GRIK1: variants seen among roughly 807,000 people sequenced by gnomAD.
GRIK1 encodes glutamate ionotropic receptor kainate type subunit 1.
GRIK1 carries 69 observed loss-of-function variants against 105.7 expected under a neutral mutation model. The observed-to-expected ratio is 0.65, with a 90% CI of 0.54 to 0.80. GRIK1 has a LOEUF of 0.80. GRIK1 is among the 30% of genes least tolerant of loss of function. The pLI is 0.00. For missense variants in GRIK1, 1,109 were observed against 1,167.3 expected (o/e 0.95, Z 0.73); for synonymous variants, 438 against 431.3 (o/e 1.02, Z -0.19).
chr21:29,835,769 G>A (rs1361932875), intron 1 of GRIK1, among the ~76,000 whole-genome samples: 4 of 151,952 alleles, frequency 2.6e-5, no homozygotes, highest in African/African-American at 9.7e-5. Flanking sequence ...TAACCCAATG[G>A]GCAATAATGA....
At chr21:29,924,163 C>T (rs1449146706) in intron 1 of GRIK1, among the ~76,000 whole-genome samples, 7 of 151,700 alleles carry the variant, frequency 4.6e-5, no homozygotes, top group Admixed American at 1.3e-4. Flanking sequence ...CGTGGTGAAA[C>T]GCCATCTCTA....
intron 1 of GRIK1, among the ~76,000 whole-genome samples, chr21:29,794,506 G>T (rs1569101701): frequency 6.6e-6 from 1 of 152,140 alleles, no homozygotes; most frequent in East Asian, 1.9e-4. Flanking sequence ...TAATTGTCAA[G>T]CTATGAAACA....
Position 29,824,488 on chromosome 21 carries a change from A to G in GRIK1, c.118+114895T>C, listed in dbSNP as rs145788320. Among the ~76,000 whole-genome samples, 20 of 152,118 alleles carry G rather than the reference A, an allele frequency of 1.3e-4. No individual in the cohort carries two copies. In the East Asian group the frequency reaches 3.5e-3, roughly 26 times the overall value. ...GGTGATAAGGACGAAAAGAAGGATC[A>G]TTGTATGGGAAGTGGGCAAGGAGGT... On this transcript the variant is annotated intron_variant, in intron 1 of 17. Coordinates refer to ENST00000327783, the MANE Select transcript of GRIK1 (RefSeq NM_001330994.2).
At chr21:29,890,485 A>T (rs1213510889) in intron 1 of GRIK1, among the ~76,000 whole-genome samples, 1 of 152,132 alleles carries the variant, frequency 6.6e-6, no homozygotes, top group Admixed American at 6.5e-5. Context: ...TCATCCAATA[A>T]TGACTCCCTC....
chr21:29,840,052 TG>T (rs1344105341), intron 1 of GRIK1, among the ~76,000 whole-genome samples: 1 of 152,188 alleles, frequency 6.6e-6, no homozygotes, highest in Non-Finnish European at 1.5e-5. Flanking sequence ...TCCTTGAAGT[TG>T]GGGATGGACT....
chr21:29,865,878 C>T (rs941752588), intron 1 of GRIK1, among the ~76,000 whole-genome samples: 1 of 152,174 alleles, frequency 6.6e-6, no homozygotes, highest in African/African-American at 2.4e-5. Flanking sequence ...AAGATCTTCA[C>T]CATCGTTTGT....
intron 7 of GRIK1, among the ~76,000 whole-genome samples, chr21:29,616,066 A>G (rs1444115536): frequency 6.6e-6 from 1 of 152,200 alleles, no homozygotes; most frequent in African/African-American, 2.4e-5. Context: ...TTGGGAACCC[A>G]TCCTGGACCT....
intron 3 of GRIK1, among the ~76,000 whole-genome samples, chr21:29,674,067 T>A (rs9305400): frequency 4.0e-4 from 55 of 137,368 alleles, no homozygotes; most frequent in African/African-American, 7.8e-4. Flanking sequence ...ATTGAGTTTT[T>A]TTTTTTGTTG....
chr21:29,888,993 A>G (rs538655214), intron 1 of GRIK1, among the ~76,000 whole-genome samples: 2 of 152,306 alleles, frequency 1.3e-5, no homozygotes, highest in South Asian at 4.1e-4. Context: ...CAAATCTGTT[A>G]AAGTTTCTTC....
intron 1 of GRIK1, among the ~76,000 whole-genome samples, chr21:29,742,550 G>A (rs1050900305): frequency 5.3e-5 from 8 of 152,192 alleles, no homozygotes; most frequent in Admixed American, 3.9e-4. Flanking sequence ...ACCTCACTGC[G>A]TGGTTCAGTA....
intron 1 of GRIK1, among the ~76,000 whole-genome samples, chr21:29,779,927 C>T (rs2066047645): frequency 6.6e-6 from 1 of 152,158 alleles, no homozygotes; most frequent in Non-Finnish European, 1.5e-5. Context: ...AAAAAACCCT[C>T]ATGCCTGGAT....
At chr21:29,562,005 A>G (rs2090492705) in intron 14 of GRIK1, among the ~76,000 whole-genome samples, 156 bp from the exon 15 acceptor site, 1 of 152,186 alleles carries the variant, frequency 6.6e-6, no homozygotes, top group Non-Finnish European at 1.5e-5. Flanking sequence ...TCACTTTTGT[A>G]GCTGAGAAGA....
chr21:29,857,671 A>G (rs556565663), intron 1 of GRIK1, among the ~76,000 whole-genome samples: 68 of 152,300 alleles, frequency 4.5e-4, no homozygotes, highest in South Asian at 1.4e-3. Context: ...AACTTAACAA[A>G]CAACTAATGT....
At chr21:29,803,346 T>C (rs921283604) in intron 1 of GRIK1, among the ~76,000 whole-genome samples, 1 of 152,210 alleles carries the variant, frequency 6.6e-6, no homozygotes, top group African/African-American at 2.4e-5. Flanking sequence ...TGTTAACGCA[T>C]ACATCTAAGT....
chr21:29,564,118 G>A (rs988200658), intron 14 of GRIK1, among the ~76,000 whole-genome samples: 3 of 152,162 alleles, frequency 2.0e-5, no homozygotes, highest in African/African-American at 4.8e-5. Flanking sequence ...AAAATTTTAT[G>A]AAACATTAAA....
At chr21:29,673,678 T>C (rs1354601654) in intron 3 of GRIK1, among the ~76,000 whole-genome samples, 1 of 152,218 alleles carries the variant, frequency 6.6e-6, no homozygotes, top group Non-Finnish European at 1.5e-5. Context: ...TCATGCCATA[T>C]AAACTATTTG....
chr21:29,870,758 G>A (rs2832465), intron 1 of GRIK1, among the ~76,000 whole-genome samples: 14,087 of 151,978 alleles, frequency 0.093, 820 homozygotes, highest in African/African-American at 0.16. Flanking sequence ...AACCTCCACA[G>A]TAGAACCAGA....
intron 4 of GRIK1, among the ~76,000 whole-genome samples, chr21:29,660,455 T>C (rs1719698454): frequency 6.6e-6 from 1 of 152,182 alleles, no homozygotes; most frequent in African/African-American, 2.4e-5. Context: ...GCCTGGACCA[T>C]ATTTCAGTCT....
chr21:29,851,016 A>G (rs1252232446), intron 1 of GRIK1, among the ~76,000 whole-genome samples: 2 of 152,050 alleles, frequency 1.3e-5, no homozygotes, highest in Non-Finnish European at 2.9e-5. Context: ...TATTTGCTTT[A>G]CAGATCAGTC....
Sources: allele counts gnomAD v4.1 joint callset (sites outside exome capture counted in the v4.1 genomes callset), GRCh38; gene constraint gnomAD v4.1.1; transcripts MANE v1.5; gene names NCBI Gene and HGNC (gene_info 2026-07-23, HGNC 2026-07-21).